The following PRIM2 variants were observed in gnomAD, a reference collection of about 807,000 sequenced individuals.
PRIM2 encodes the protein DNA primase large subunit.
In PRIM2, 39 loss-of-function variants were observed where a neutral mutation model predicts 67.3. The ratio of observed to expected loss-of-function variants is 0.58; its 90% CI spans 0.45 to 0.76. The LOEUF is 0.76. PRIM2 is among the 30% of genes least tolerant of loss of function. The pLI, the probability that PRIM2 is intolerant of heterozygous loss-of-function variation, is 0.00. For synonymous variants in PRIM2, 143 were observed against 198.7 expected, an observed-to-expected ratio of 0.72 and a Z score of 2.36; for missense variants, 398 against 598.7, an observed-to-expected ratio of 0.66 and a Z score of 3.50.
At chr6:57,343,544 C>G (rs1768566978) in intron 5 of PRIM2, among the ~76,000 whole-genome samples, 1 of 152,086 alleles carries the variant, frequency 6.6e-6, no homozygotes, top group Non-Finnish European at 1.5e-5. Flanking sequence ...ACAGATGTAA[C>G]AGTAGAACAG....
the PRIM2 span, among the ~76,000 whole-genome samples, chr6:57,287,145 T>G: frequency 1.3e-5 from 2 of 152,150 alleles, no homozygotes; most frequent in African/African-American, 4.8e-5. Context: ...TAGGAATGCT[T>G]TTACGGTGTT....
At chr6:57,305,329 G>A in the PRIM2 span, among the ~76,000 whole-genome samples, 1 of 152,206 alleles carries the variant, frequency 6.6e-6, no homozygotes, top group African/African-American at 2.4e-5. Context: ...TGGAATTAGG[G>A]ATAAGTACAG....
Position 57,615,980 on chromosome 6 carries a change from C to CA in PRIM2, c.1230+9524dup, listed in dbSNP as rs1310123095. Among the ~76,000 whole-genome samples, 2 of 152,182 alleles carry CA rather than the reference C, an allele frequency of 1.3e-5. 1 individual carries two copies. The highest frequency in any genetic ancestry group is 1.3e-4 in the Admixed American group (2 of 15,282). ...TCACTTGTGGCATATCTTTAATTCT[C>CA]ACAGAGCTTAATAAATAAACAATAA... On this transcript the variant is annotated intron_variant, in intron 12 of 13. Transcript: ENST00000615550.
At chr6:57,265,958 A>T in the PRIM2 span, among the ~76,000 whole-genome samples, 9,009 of 152,304 alleles carry the variant, frequency 0.059, 610 homozygotes, top group African/African-American at 0.16. Context: ...GCCCAGTCTT[A>T]TGAAAGTAGA....
intron 7 of PRIM2, among the ~76,000 whole-genome samples, chr6:57,435,669 T>C (rs1442738826): frequency 6.6e-6 from 1 of 152,202 alleles, no homozygotes; most frequent in African/African-American, 2.4e-5. Flanking sequence ...GGCTGAACTT[T>C]GCCCCCAGTC....
the PRIM2 span, among the ~76,000 whole-genome samples, chr6:57,243,371 G>A: frequency 6.6e-6 from 1 of 152,212 alleles, no homozygotes; most frequent in Admixed American, 6.5e-5. Context: ...ATGAGGAAAG[G>A]AATGATGTTG....
chr6:57,328,843 T>C (rs1450124875), intron 5 of PRIM2, among the ~76,000 whole-genome samples: 12 of 152,228 alleles, frequency 7.9e-5, no homozygotes, highest in Non-Finnish European at 1.5e-4. Flanking sequence ...TTTAAAAAAA[T>C]ATAGCCATCA....
intron 5 of PRIM2, among the ~76,000 whole-genome samples, chr6:57,377,043 A>AT (rs140991831): frequency 2.2e-3 from 297 of 136,648 alleles, no homozygotes; most frequent in East Asian, 6.1e-3. Flanking sequence ...TGCCCAGCTA[A>AT]TTTTTTTTTT....
chr6:57,343,275 C>T (rs1440733598), intron 5 of PRIM2, among the ~76,000 whole-genome samples: 1 of 152,080 alleles, frequency 6.6e-6, no homozygotes, highest in African/African-American at 2.4e-5. Context: ...TAGTTCGTTT[C>T]GAATGTGTAT....
the PRIM2 span, among the ~76,000 whole-genome samples, chr6:57,270,578 A>G: frequency 6.6e-6 from 1 of 152,098 alleles, no homozygotes; most frequent in East Asian, 1.9e-4. Flanking sequence ...TGCAAACAGG[A>G]ACGATTTGAC....
At chr6:57,543,048 T>A (rs1775204747) in intron 10 of PRIM2, among the ~76,000 whole-genome samples, 2 of 143,450 alleles carry the variant, frequency 1.4e-5, no homozygotes, top group Non-Finnish European at 1.5e-5. Flanking sequence ...CACGCCATTC[T>A]CCTGCCTCAG....
intron 5 of PRIM2, among the ~76,000 whole-genome samples, chr6:57,367,894 G>T (rs567312617): frequency 1.3e-5 from 2 of 152,202 alleles, no homozygotes; most frequent in Non-Finnish European, 2.9e-5. Flanking sequence ...GTAGTCACAG[G>T]CCAGGCCAGA....
chr6:57,334,314 G>A (rs75128929), intron 5 of PRIM2, among the ~76,000 whole-genome samples: 19,540 of 151,918 alleles, frequency 0.13, 1,401 homozygotes, highest in African/African-American at 0.18. Flanking sequence ...GTATCTATCG[G>A]TGGACACTTA....
At chr6:57,379,878 C>T (rs778494537) in intron 5 of PRIM2, 23 bp from the exon 6 acceptor site, 1 of 1,523,122 alleles carries the variant, frequency 6.6e-7, no homozygotes, top group Non-Finnish European at 8.8e-7. Flanking sequence ...ATTTTTGTAA[C>T]AGCTTAAAAT....
chr6:57,591,765 AG>A (rs1776286282), intron 10 of PRIM2, among the ~76,000 whole-genome samples: 4 of 152,240 alleles, frequency 2.6e-5, no homozygotes, highest in African/African-American at 9.6e-5. Context: ...CCCCGTTTGG[AG>A]ATTTCTCAAA....
chr6:57,357,555 G>A (rs1216903944), intron 5 of PRIM2, among the ~76,000 whole-genome samples: 1 of 150,206 alleles, frequency 6.7e-6, no homozygotes, highest in South Asian at 2.1e-4. Flanking sequence ...TTCTTTCTGG[G>A]ACATTTCCTT....
At chr6:57,373,313 T>G (rs984210560) in intron 5 of PRIM2, among the ~76,000 whole-genome samples, 1 of 152,124 alleles carries the variant, frequency 6.6e-6, no homozygotes, top group South Asian at 2.1e-4. Context: ...TGTTTTTTTT[T>G]TTCTTGTAAA....
At chr6:57,256,761 A>T in the PRIM2 span, among the ~76,000 whole-genome samples, 1 of 151,128 alleles carries the variant, frequency 6.6e-6, no homozygotes, top group African/African-American at 2.4e-5. Flanking sequence ...CTTACATCTT[A>T]GTCCAAAGTA....
At chr6:57,272,184 G>T in the PRIM2 span, among the ~76,000 whole-genome samples, 2 of 152,138 alleles carry the variant, frequency 1.3e-5, no homozygotes, top group Admixed American at 6.6e-5. Flanking sequence ...GGGTATCCTT[G>T]TTAACTTTCT....
Sources: allele counts gnomAD v4.1 joint callset (sites outside exome capture counted in the v4.1 genomes callset), GRCh38; gene constraint gnomAD v4.1.1; transcripts MANE v1.5; gene names NCBI Gene and HGNC (gene_info 2026-07-23, HGNC 2026-07-21).